The following DUS2 variants were observed in gnomAD, a reference collection of about 807,000 sequenced individuals.
DUS2 encodes dihydrouridine synthase 2.
A neutral mutation model predicts 71.3 loss-of-function variants in DUS2; 52 were observed. That is an observed-to-expected ratio of 0.73 (90% confidence interval 0.58 to 0.92). The LOEUF (loss-of-function observed/expected upper bound fraction) is 0.92, where lower values mean the gene tolerates loss of function less well. Ranked by LOEUF, DUS2 falls within the 40% of genes least tolerant of loss-of-function variation. The pLI is 0.00. For synonymous variants in DUS2, 204 were observed against 227.8 expected (o/e 0.90, Z 0.94); for missense variants, 558 against 622.6 (o/e 0.90, Z 1.10).
At chr16:68,031,756 G>A (rs1211278938) in intron 2 of DUS2, among the ~76,000 whole-genome samples, 1 of 152,088 alleles carries the variant, frequency 6.6e-6, no homozygotes, top group Non-Finnish European at 1.5e-5. Context: ...GGGCAGTGGT[G>A]CGATCTTGGC....
At chr16:68,069,406 A>C (rs1021722623) in intron 10 of DUS2, among the ~76,000 whole-genome samples, 1 of 152,122 alleles carries the variant, frequency 6.6e-6, no homozygotes, top group African/African-American at 2.4e-5. Context: ...AAAGAACAAG[A>C]GTATAGCAGA....
At chr16:68,035,391 C>CA in intron 2 of DUS2, among the ~76,000 whole-genome samples, 1 of 146,338 alleles carries the variant, frequency 6.8e-6, no homozygotes, top group African/African-American at 2.5e-5. Context: ...CTGTGTTTTC[C>CA]TTTTTTTTTT....
chr16:68,077,232 A>AAAATAAAT (rs570486418), intron 15 of DUS2: 1 of 151,852 alleles, frequency 6.6e-6, no homozygotes, highest in African/African-American at 2.4e-5. Context: ...AGCCTGTCTC[A>AAAATAAAT]AAATAAATAA....
chr16:68,056,957 A>T (rs1315967488), intron 7 of DUS2, among the ~76,000 whole-genome samples: 1 of 142,322 alleles, frequency 7.0e-6, no homozygotes, highest in African/African-American at 2.6e-5. Context: ...TGTAATCTAT[A>T]ATTATATATT....
intron 12 of DUS2, among the ~76,000 whole-genome samples, chr16:68,072,847 C>T (rs886746651): frequency 8.5e-5 from 13 of 152,198 alleles, no homozygotes; most frequent in African/African-American, 2.4e-4. Context: ...CTTCATTTCA[C>T]GGTCTGTGGA....
At chr16:68,045,671 G>A (rs1598305271) in intron 3 of DUS2, among the ~76,000 whole-genome samples, 1 of 149,478 alleles carries the variant, frequency 6.7e-6, no homozygotes, top group East Asian at 2.0e-4. Context: ...TAATATGGAT[G>A]CCTTTTATTT....
At position 68,079,116 on chromosome 16, in the gene DUS2, G is replaced by T. The variant is rs2034202208; in HGVS notation, c.*130G>T. ...GGCAGAAGTTAGATGTCCTGGCAGG[G>T]GCCATCAGCCTAGAGCATGGACCAG... On this transcript the variant is annotated 3_prime_UTR_variant, in exon 17 of 17. Transcript: ENST00000565263. 3 of 898,842 alleles carry T rather than the reference G, an allele frequency of 3.3e-6. No homozygotes were observed. In the African/African-American group the frequency reaches 5.0e-5, roughly 15 times the overall value. The allele number at this position is 898,842 out of a possible 1,614,324, so 55.7% of individuals were successfully genotyped here.
At position 68,038,076 on chromosome 16, in the gene DUS2, C is replaced by T. The variant is rs1301260938; in HGVS notation, c.53C>T (p.Pro18Leu). ...LCYHNKLILA[P>L]MVRVGTLPMR... ...TACCATAATAAGCTAATCCTGGCCC[C>T]AATGGTTCGGGTAGGGACTCTTCCA... Residue 18 changes from proline (P) to leucine (L), a missense_variant, in exon 3 of 17, where the codon CCA (proline) becomes CTA (leucine). Pro to Leu is a moderately conservative substitution (Grantham distance 98). Coordinates refer to ENST00000565263, the MANE Select transcript of DUS2 (RefSeq NM_017803.5). 1.2e-5 allele frequency: 20 copies of T among 1,613,796 alleles called. No individual in the cohort carries two copies. The highest frequency in any genetic ancestry group is 1.6e-5 in the Non-Finnish European group (19 of 1,179,950).
intron 5 of DUS2, chr16:68,053,860 C>G (rs79060106): frequency 3.5e-6 from 2 of 567,516 alleles, no homozygotes; most frequent in Non-Finnish European, 6.3e-6. Flanking sequence ...CAAGCTATCA[C>G]AGTCTTATAT....
chr16:68,034,130 A>G (rs566950451), intron 2 of DUS2, among the ~76,000 whole-genome samples: 1 of 152,102 alleles, frequency 6.6e-6, no homozygotes, highest in African/African-American at 2.4e-5. Context: ...CAGTGGTATG[A>G]TATCAGCTCA....
At chr16:68,052,361 G>A (rs902544085) in intron 4 of DUS2, among the ~76,000 whole-genome samples, 2 of 152,178 alleles carry the variant, frequency 1.3e-5, no homozygotes, top group African/African-American at 4.8e-5. Flanking sequence ...CTGGGAACAT[G>A]CACATCAGGC....
chr16:68,062,515 C>T (rs1412705040), intron 8 of DUS2, among the ~76,000 whole-genome samples: 3 of 151,392 alleles, frequency 2.0e-5, no homozygotes, highest in African/African-American at 4.9e-5. Context: ...GTCAGGAGAT[C>T]GAGACCATTC....
At chr16:68,045,192 T>G (rs1269239038) in intron 3 of DUS2, among the ~76,000 whole-genome samples, 1 of 152,218 alleles carries the variant, frequency 6.6e-6, no homozygotes, top group Non-Finnish European at 1.5e-5. Flanking sequence ...TGTGTATTGA[T>G]CTTGTGTCCT....
chr16:68,063,283 G>A (rs2033964483), intron 8 of DUS2, among the ~76,000 whole-genome samples: 1 of 152,184 alleles, frequency 6.6e-6, no homozygotes. Flanking sequence ...GTAGGGGCTG[G>A]ATTCAATTCG....
chr16:68,061,175 G>C, intron 8 of DUS2, 62 bp downstream of exon 8: 1 of 1,533,936 alleles, frequency 6.5e-7, no homozygotes, highest in Non-Finnish European at 9.0e-7. Context: ...GAATTGTCTA[G>C]AACGCCTCCT....
Position 68,056,497 on chromosome 16 carries a change from T to G in DUS2, c.369+73T>G, listed in dbSNP as rs1435559211. 9 of 1,253,956 alleles carry G rather than the reference T, an allele frequency of 7.2e-6. No individual in the cohort carries two copies. In the African/African-American group the frequency reaches 1.3e-4, roughly 19 times the overall value. The allele number at this position is 1,253,956 out of a possible 1,614,324, so 77.7% of individuals were successfully genotyped here. Reference sequence around the variant, plus strand: ...GAGGCTGACAAGACATAACTAAGTATAGTACCTAACTCTGGACTGGATTCT... The same window carrying G: ...GAGGCTGACAAGACATAACTAAGTAGAGTACCTAACTCTGGACTGGATTCT... On this transcript the variant is annotated intron_variant, in intron 7 of 16. Coordinates refer to ENST00000565263, the MANE Select transcript of DUS2 (RefSeq NM_017803.5).
intron 8 of DUS2, among the ~76,000 whole-genome samples, chr16:68,062,245 A>T (rs2033950429): frequency 6.6e-6 from 1 of 151,938 alleles, no homozygotes. Flanking sequence ...TCCTGACCTC[A>T]GGTGATCTGC....
intron 2 of DUS2, among the ~76,000 whole-genome samples, chr16:68,031,082 C>T (rs559451486): frequency 1.1e-4 from 17 of 152,176 alleles, no homozygotes; most frequent in African/African-American, 3.4e-4. Context: ...AGATAAAATG[C>T]TCTGGAAAGA....
At position 68,072,348 on chromosome 16, in the gene DUS2, C is replaced by T. The variant is rs369693829; in HGVS notation, c.810+1240C>T. ...TAGCTCCATGGCAAGGGAGGGCTTG[C>T]CCCAGCCCAGGTCAGCTATCCAGCT... is the stretch of plus-strand genomic sequence containing the variant. On this transcript the variant is annotated intron_variant, in intron 12 of 16. Transcript: ENST00000565263. 2.6e-5 allele frequency among the ~76,000 whole-genome samples: 4 copies of T among 152,328 alleles called. No homozygotes were observed. In the East Asian group the frequency reaches 7.7e-4, roughly 29 times the overall value.
Sources: allele counts gnomAD v4.1 joint callset (sites outside exome capture counted in the v4.1 genomes callset), GRCh38; gene constraint gnomAD v4.1.1; transcripts MANE v1.5; gene names NCBI Gene and HGNC (gene_info 2026-07-23, HGNC 2026-07-21).